DRC4: variants seen among roughly 807,000 people sequenced by gnomAD.
DRC4 encodes the protein GAS-11.
chr16:90,043,707 G>A, the DRC4 span: 11 of 494,802 alleles, frequency 2.2e-5, no homozygotes, highest in African/African-American at 5.9e-5. Context: ...TTGTCCCACC[G>A]AATGGACAGC....
chr16:90,029,680 G>A, the DRC4 span: 5 of 212,236 alleles, frequency 2.4e-5, no homozygotes, highest in Non-Finnish European at 5.2e-5. Flanking sequence ...TTCTTTTGAG[G>A]TGAGAAATGT....
the DRC4 span, among the ~76,000 whole-genome samples, chr16:90,041,482 C>T: frequency 6.6e-6 from 1 of 152,186 alleles, no homozygotes; most frequent in Non-Finnish European, 1.5e-5. Context: ...GCGGGGCCAG[C>T]GCTGCTGAAG....
the DRC4 span, among the ~76,000 whole-genome samples, chr16:90,040,887 G>A: frequency 3.9e-5 from 6 of 152,098 alleles, no homozygotes; most frequent in South Asian, 2.1e-4. Context: ...CCCAGTGGGC[G>A]GTGGTGCCTG....
chr16:90,029,426 A>G, the DRC4 span: 2 of 836,142 alleles, frequency 2.4e-6, no homozygotes, highest in East Asian at 5.3e-5. Context: ...AAATCTGGAT[A>G]TTTATAAGAA....
At chr16:90,024,155 C>A in the DRC4 span, among the ~76,000 whole-genome samples, 1 of 150,062 alleles carries the variant, frequency 6.7e-6, no homozygotes, top group African/African-American at 2.5e-5. Context: ...CACACACACA[C>A]ACAAAATTAG....
the DRC4 span, chr16:90,037,115 C>T: frequency 2.0e-6 from 2 of 1,017,524 alleles, no homozygotes; most frequent in Non-Finnish European, 2.8e-6. Context: ...TGCCAGCATG[C>T]CTGAGGCTGG....
chr16:90,040,151 G>A, the DRC4 span: 30 of 739,512 alleles, frequency 4.1e-5, no homozygotes, highest in Non-Finnish European at 6.4e-5. Context: ...AGGCAGTGTG[G>A]ACAACACACT....
At chr16:90,036,450 A>G in the DRC4 span, 2 of 1,614,082 alleles carry the variant, frequency 1.2e-6, no homozygotes, top group Non-Finnish European at 8.5e-7. Context: ...AGAAAGACTG[A>G]GCTCCACGAA....
At chr16:90,027,748 T>C in the DRC4 span, 10 of 1,487,534 alleles carry the variant, frequency 6.7e-6, no homozygotes, top group South Asian at 7.9e-5. Context: ...TGTGGCCCAG[T>C]CCCCGGGTGG....
At chr16:90,043,657 G>A in the DRC4 span, 1 of 560,054 alleles carries the variant, frequency 1.8e-6, no homozygotes. Context: ...CCTGGGGGTT[G>A]GGGCAGTGCC....
chr16:90,036,473 A>T, the DRC4 span: 1 of 1,613,920 alleles, frequency 6.2e-7, no homozygotes, highest in African/African-American at 1.3e-5. Context: ...GGAGGAGAGG[A>T]AGAATGGCCA....
At chr16:90,033,009 C>T in the DRC4 span, 1 of 1,189,776 alleles carries the variant, frequency 8.4e-7, no homozygotes, top group Non-Finnish European at 1.2e-6. Flanking sequence ...TATTCAACAG[C>T]AACTGGGAAT....
the DRC4 span, among the ~76,000 whole-genome samples, chr16:90,034,097 G>C: frequency 0.048 from 7,305 of 152,154 alleles, 252 homozygotes; most frequent in Non-Finnish European, 0.075. Flanking sequence ...GAGGAGAGAT[G>C]TGTCTCACTA....
the DRC4 span, among the ~76,000 whole-genome samples, chr16:90,024,266 A>G: frequency 2.6e-5 from 4 of 152,074 alleles, no homozygotes; most frequent in Non-Finnish European, 5.9e-5. Context: ...TGGGATTTTT[A>G]AGGAATTAGA....
chr16:90,025,925 A>C, the DRC4 span, among the ~76,000 whole-genome samples: 98 of 152,118 alleles, frequency 6.4e-4, no homozygotes, highest in African/African-American at 2.3e-3. Context: ...TTAAAAAATA[A>C]ATAAAATTTC....
the DRC4 span, chr16:90,040,064 T>C: frequency 1.8e-6 from 1 of 563,796 alleles, no homozygotes; most frequent in Non-Finnish European, 3.2e-6. Flanking sequence ...AGAGACACCT[T>C]CCTGAGAGAA....
At chr16:90,040,457 C>A in the DRC4 span, 101 of 1,610,388 alleles carry the variant, frequency 6.3e-5, 1 homozygote, top group Non-Finnish European at 8.5e-5. Flanking sequence ...GAGGTCCTGG[C>A]TGCCTCTAAC....
the DRC4 span, chr16:90,029,358 T>G: frequency 7.6e-7 from 1 of 1,311,178 alleles, no homozygotes; most frequent in East Asian, 4.6e-5. Flanking sequence ...CACTGGGGAG[T>G]GCCTTGTGGG....
At chr16:90,033,712 A>G in the DRC4 span, among the ~76,000 whole-genome samples, 1 of 152,060 alleles carries the variant, frequency 6.6e-6, no homozygotes, top group Admixed American at 6.6e-5. Context: ...CTAGGTCCTG[A>G]TCTGATCTCT....
Sources: allele counts gnomAD v4.1 joint callset (sites outside exome capture counted in the v4.1 genomes callset), GRCh38; gene constraint gnomAD v4.1.1; transcripts MANE v1.5; gene names NCBI Gene and HGNC (gene_info 2026-07-23, HGNC 2026-07-21).